Variants in USP39 observed in about 807,000 individuals in gnomAD.
USP39 encodes the protein ubiquitin carboxyl-terminal hydrolase 39.
A neutral mutation model predicts 66.4 loss-of-function variants in USP39; 38 were observed. That is an observed-to-expected ratio of 0.57 (90% CI 0.44 to 0.75). USP39 has a LOEUF of 0.75. USP39 is among the 30% of genes least tolerant of loss of function. The probability of loss-of-function intolerance (pLI) is 0.00; values close to 1 mark genes in which losing one functional copy is unlikely to be tolerated. For missense variants in USP39, 608 were observed against 714.4 expected (o/e 0.85, Z 1.70); for synonymous variants, 303 against 274.6 (o/e 1.10, Z -1.02).
At chr2:85,638,535 A>T (rs778382732) in intron 8 of USP39, among the ~76,000 whole-genome samples, 22 of 145,984 alleles carry the variant, frequency 1.5e-4, no homozygotes, top group African/African-American at 4.7e-4. Context: ...TTAATTAATT[A>T]ATTAATTTAT....
chr2:85,616,439 T>A lies in USP39; in HGVS notation c.244T>A (p.Ser82Thr). 1.3e-6 allele frequency: 2 copies of A among 1,569,958 alleles called. No individual in the cohort carries two copies. Among genetic ancestry groups the A allele is most frequent in the Non-Finnish European group, 1.7e-6 (2 of 1,153,208 alleles). Residue 82 changes from serine (S) to threonine (T), a missense_variant, in exon 1 of 13, where the codon TCG (serine) becomes ACG (threonine). Around this residue, in one of 6 missense-constraint regions of USP39, gnomAD observed 207 missense variants for 145.7 expected, o/e 1.42. Coordinates refer to ENST00000323701, the MANE Select transcript of USP39 (RefSeq NM_006590.4). The part of the protein sequence containing the change: ...VKREREVDED[S>T]EPEREVRAKN... ...GCGGGAGCGCGAGGTCGATGAGGACTCGGAGCCTGAGCGGGAGGTGCGAGG... is the reference window on the plus strand; with the variant it reads ...GCGGGAGCGCGAGGTCGATGAGGACACGGAGCCTGAGCGGGAGGTGCGAGG...
intron 1 of USP39, among the ~76,000 whole-genome samples, chr2:85,603,361 C>T (rs1183724623): frequency 1.3e-5 from 2 of 152,164 alleles, no homozygotes; most frequent in African/African-American, 4.8e-5. Flanking sequence ...TGAAATAAGA[C>T]GGCAGAGACC....
At chr2:85,639,138 G>T in intron 8 of USP39, 65 bp from the exon 9 acceptor site, 1 of 1,441,376 alleles carries the variant, frequency 6.9e-7, no homozygotes, top group South Asian at 1.4e-5. Context: ...GTAAAACATC[G>T]GTTCTGTGTT....
chr2:85,608,575 C>T (rs1258403682), upstream of USP39: 10 of 178,430 alleles, frequency 5.6e-5, no homozygotes, highest in Admixed American at 6.2e-4. Flanking sequence ...GCTCATGGAG[C>T]TGAGTGGAAC....
chr2:85,611,567 G>C (rs1673528571), upstream of USP39: 1 of 1,551,154 alleles, frequency 6.4e-7, no homozygotes, highest in Non-Finnish European at 8.7e-7. Context: ...GACGAGATGA[G>C]CTGAACCTTA....
At chr2:85,636,206 G>T in intron 7 of USP39, 76 bp downstream of exon 7, 1 of 1,384,954 alleles carries the variant, frequency 7.2e-7, no homozygotes. Context: ...AATGGCTCAT[G>T]CCTATAATCC....
At chr2:85,617,723 G>T (rs1350575301) in intron 1 of USP39, among the ~76,000 whole-genome samples, 1 of 152,170 alleles carries the variant, frequency 6.6e-6, no homozygotes, top group Non-Finnish European at 1.5e-5. Context: ...GTGTGCATGG[G>T]TTCTCCTCAC....
At chr2:85,625,967 G>A (rs1265762048) in intron 5 of USP39, among the ~76,000 whole-genome samples, 1 of 151,984 alleles carries the variant, frequency 6.6e-6, no homozygotes, top group African/African-American at 2.4e-5. Flanking sequence ...ATAGTGACCC[G>A]AGATCGCGCC....
intron 5 of USP39, among the ~76,000 whole-genome samples, chr2:85,626,636 T>C (rs931530637): frequency 6.6e-6 from 1 of 152,102 alleles, no homozygotes. Flanking sequence ...ATATTTGTTG[T>C]GCTGGCTGAT....
intron 11 of USP39, among the ~76,000 whole-genome samples, chr2:85,646,906 A>G (rs1264410146): frequency 1.0e-5 from 1 of 97,568 alleles, no homozygotes; most frequent in Admixed American, 1.0e-4. Flanking sequence ...TTTTTTTTTT[A>G]AGACAGAGTC....
chr2:85,607,582 C>G (rs147830362), upstream of USP39: 30 of 152,212 alleles, frequency 2.0e-4, no homozygotes, highest in Non-Finnish European at 4.0e-4. Flanking sequence ...TGACTTGACA[C>G]ATTTTAATGA....
At chr2:85,638,935 G>A (rs1390744789) in intron 8 of USP39, among the ~76,000 whole-genome samples, 1 of 151,778 alleles carries the variant, frequency 6.6e-6, no homozygotes, top group African/African-American at 2.4e-5. Flanking sequence ...TGTTCCCAAA[G>A]TGTTGAGATT....
At chr2:85,624,338 C>T (rs1674687389) in intron 4 of USP39, among the ~76,000 whole-genome samples, 1 of 151,784 alleles carries the variant, frequency 6.6e-6, no homozygotes, top group South Asian at 2.1e-4. Context: ...GCCATGTGCT[C>T]TGTTCTTGTT....
chr2:85,611,320 G>A (rs1673508409), upstream of USP39: 6 of 1,426,120 alleles, frequency 4.2e-6, no homozygotes, highest in East Asian at 1.3e-4. Context: ...CCATTTACTG[G>A]GTTCATTCCG....
At chr2:85,619,328 A>G (rs1468855257) in intron 2 of USP39, 39 bp downstream of exon 2, 4 of 1,601,142 alleles carry the variant, frequency 2.5e-6, no homozygotes, top group East Asian at 2.2e-5. Flanking sequence ...CACAAGAACA[A>G]TGGAATCTGT....
upstream of USP39, among the ~76,000 whole-genome samples, chr2:85,613,772 A>T (rs1339567862): frequency 2.0e-5 from 3 of 151,384 alleles, no homozygotes; most frequent in African/African-American, 7.3e-5. Context: ...GATTCTTTAA[A>T]TTTTTTTTTA....
intron 5 of USP39, 40 bp downstream of exon 5, chr2:85,625,731 C>G: frequency 6.2e-7 from 1 of 1,600,464 alleles, no homozygotes; most frequent in Non-Finnish European, 8.5e-7. Flanking sequence ...AGAAGGACAC[C>G]CAGAAGGCTG....
At chr2:85,607,284 A>G (rs1255281442), upstream of USP39, 1 of 152,256 alleles carries the variant, frequency 6.6e-6, no homozygotes, top group East Asian at 1.9e-4. Flanking sequence ...TTCTCTGACC[A>G]GGAAGAACAG....
chr2:85,614,918 G>A (rs897696534), upstream of USP39, among the ~76,000 whole-genome samples: 4 of 152,132 alleles, frequency 2.6e-5, no homozygotes, highest in African/African-American at 4.8e-5. Flanking sequence ...TCAAGATGGA[G>A]TTGGTCTGGT....
Sources: allele counts gnomAD v4.1 joint callset (sites outside exome capture counted in the v4.1 genomes callset), GRCh38; gene constraint gnomAD v4.1.1; regional missense constraint gnomAD v4.1.1; transcripts MANE v1.5; gene names NCBI Gene and HGNC (gene_info 2026-07-23, HGNC 2026-07-21).